ZMYND11: variants seen among roughly 807,000 people sequenced by gnomAD.
ZMYND11 encodes zinc finger MYND domain-containing protein 11.
ZMYND11 carries 9 observed loss-of-function variants against 84.9 expected under a neutral mutation model. The ratio of observed to expected loss-of-function variants is 0.11; its 90% CI spans 0.06 to 0.18. ZMYND11 has a LOEUF of 0.18. Among genes scored for constraint, ZMYND11 ranks in the 10% least tolerant of loss-of-function variants. ZMYND11 has a pLI of 1.00. For missense variants in ZMYND11, 409 were observed against 761.0 expected (o/e 0.54, Z 5.44); for synonymous variants, 250 against 244.1 (o/e 1.02, Z -0.23).
chr10:150,342 C>A (rs548033548), intron 1 of ZMYND11, among the ~76,000 whole-genome samples: 28 of 151,964 alleles, frequency 1.8e-4, no homozygotes, highest in South Asian at 4.1e-4. Context: ...TAGTCTTGGG[C>A]GGGTGTATGT....
rs1157055964 is a variant in ZMYND11, at chr10:164,511, C to T, written c.-19-15483C>T. On this transcript the variant is annotated intron_variant, in intron 1 of 14. Transcript: ENST00000381604. The stretch of plus-strand genomic sequence containing the variant: ...CTAGTATGTAGGCTGACCAGAGCAG[C>T]CACCAATTGGGGATTGCCATTACCC... Among the ~76,000 whole-genome samples the T allele has an allele frequency of 3.3e-5, 5 of 152,076 alleles. No individual in the cohort carries two copies. The East Asian group carries it at 9.6e-4, about 29-fold the overall frequency.
chr10:159,830 C>T (rs893999406), intron 1 of ZMYND11, among the ~76,000 whole-genome samples: 8 of 152,084 alleles, frequency 5.3e-5, no homozygotes, highest in Non-Finnish European at 5.9e-5. Flanking sequence ...ATATTTTCAT[C>T]TAATACTTGA....
chr10:169,046 T>C (rs1184154399), intron 1 of ZMYND11, among the ~76,000 whole-genome samples: 1 of 152,062 alleles, frequency 6.6e-6, no homozygotes, highest in Non-Finnish European at 1.5e-5. Flanking sequence ...CATTTTGAAA[T>C]ATGCAAGAGC....
intron 4 of ZMYND11, among the ~76,000 whole-genome samples, chr10:226,692 C>A (rs963976996): frequency 2.6e-5 from 4 of 152,036 alleles, no homozygotes; most frequent in African/African-American, 9.7e-5. Flanking sequence ...GTGAGCTACC[C>A]GTTTTCTTTT....
intron 3 of ZMYND11, among the ~76,000 whole-genome samples, chr10:210,323 C>T (rs191200910): frequency 6.6e-6 from 1 of 152,272 alleles, no homozygotes; most frequent in African/African-American, 2.4e-5. Context: ...CACTTCATGG[C>T]ATTCCTAAGT....
At chr10:163,228 C>G (rs1375281653) in intron 1 of ZMYND11, among the ~76,000 whole-genome samples, 1 of 152,028 alleles carries the variant, frequency 6.6e-6, no homozygotes, top group Non-Finnish European at 1.5e-5. Context: ...CTCCCCATCA[C>G]CCCCCCACTA....
intron 2 of ZMYND11, among the ~76,000 whole-genome samples, chr10:189,966 A>T (rs1939894206): frequency 6.6e-6 from 1 of 152,156 alleles, no homozygotes; most frequent in Non-Finnish European, 1.5e-5. Context: ...GACTGTCTGG[A>T]TCAAGCAGAG....
intron 1 of ZMYND11, among the ~76,000 whole-genome samples, chr10:145,127 G>C (rs1219753115): frequency 8.0e-5 from 12 of 150,508 alleles, no homozygotes; most frequent in African/African-American, 2.9e-4. Context: ...ATGGCTGAGA[G>C]TATTCCATAT....
intron 2 of ZMYND11, among the ~76,000 whole-genome samples, chr10:204,159 C>A (rs903599344): frequency 6.6e-6 from 1 of 152,116 alleles, no homozygotes; most frequent in South Asian, 2.1e-4. Flanking sequence ...TTTATAGATA[C>A]AATCTAAGGT....
At chr10:182,621 A>G (rs1013902832) in intron 2 of ZMYND11, among the ~76,000 whole-genome samples, 6 of 152,234 alleles carry the variant, frequency 3.9e-5, no homozygotes, top group African/African-American at 1.4e-4. Flanking sequence ...TGTAGCTCAC[A>G]TCAGAGCATC....
chr10:232,799 A>G lies in ZMYND11; in HGVS notation c.439-4039A>G, dbSNP rs191344272. ...ACGTTTCTAACTGTAATAACTGAAG[A>G]AAAAACCAACCCAAATACTTAAAAC... On this transcript the variant is annotated intron_variant, in intron 4 of 14. Coordinates refer to ENST00000381604, the MANE Select transcript of ZMYND11 (RefSeq NM_001370100.5). Among the ~76,000 whole-genome samples the G allele has an allele frequency of 3.0e-3, 457 of 152,328 alleles. No homozygotes were observed. In the Middle Eastern group the frequency reaches 0.031, roughly 10 times the overall value.
rs754592349 is a variant in ZMYND11 at position 236,923 on chromosome 10, C to T, written c.516+8C>T. ...TCCCGCATGAAGGAGAGGGTGAGTC[C>T]TGCTCAGGGAATCTTTCAAAATATC... is the stretch of plus-strand genomic sequence containing the variant. On this transcript the variant is annotated splice_region_variant and intron_variant, in intron 5 of 14. Transcript: ENST00000381604. 15 of 1,607,328 alleles carry T rather than the reference C, an allele frequency of 9.3e-6. No individual in the cohort carries two copies. Among genetic ancestry groups the T allele is most frequent in the Admixed American group, 1.7e-5 (1 of 58,652 alleles).
chr10:217,787 A>G (rs753810157), intron 3 of ZMYND11, among the ~76,000 whole-genome samples: 13 of 152,188 alleles, frequency 8.5e-5, no homozygotes, highest in Non-Finnish European at 1.8e-4. Context: ...TGTTCATTAT[A>G]TAGGTAGAAA....
chr10:173,828 GAATTAAA>G (rs1342034636), intron 1 of ZMYND11, among the ~76,000 whole-genome samples: 3 of 152,162 alleles, frequency 2.0e-5, no homozygotes, highest in East Asian at 3.9e-4. Flanking sequence ...TATCATTAGG[GAATTAAA>G]AATTAAAACA....
chr10:209,761 CTTT>C, intron 2 of ZMYND11, 125 bp from the exon 3 acceptor site: 2 of 856,518 alleles, frequency 2.3e-6, no homozygotes, highest in Non-Finnish European at 3.5e-6. Flanking sequence ...TTATCTTGTT[CTTT>C]ATCTCAACAG....
chr10:243,454 T>A (rs1200721552), intron 10 of ZMYND11, among the ~76,000 whole-genome samples: 3 of 152,162 alleles, frequency 2.0e-5, no homozygotes, highest in Admixed American at 2.0e-4. Flanking sequence ...ATCTATATAT[T>A]TTTCTTTTTC....
At position 254,390 on chromosome 10, in the gene ZMYND11, G is replaced by A. The variant is rs1954014047; in HGVS notation, c.*1920G>A. On this transcript the variant is annotated 3_prime_UTR_variant, in exon 15 of 15. Transcript: ENST00000381604. Reference sequence around the variant, plus strand: ...AAACAAAATTAAAAAAAGAGATTGTGGCCTGGTTTTGTAAAAGTTTTAGGT... The same window carrying A: ...AAACAAAATTAAAAAAAGAGATTGTAGCCTGGTTTTGTAAAAGTTTTAGGT... 1 of 152,526 alleles carries A rather than the reference G, an allele frequency of 6.6e-6. No homozygotes were observed. Among genetic ancestry groups the A allele is most frequent in the Non-Finnish European group, 1.5e-5 (1 of 68,030 alleles). 9.4% of individuals were successfully genotyped at this position (152,526 alleles called of 1,614,324 possible).
rs377193625 is a variant in ZMYND11 at position 147,564 on chromosome 10, A to G, written c.-20+12005A>G. 1.7e-4 allele frequency among the ~76,000 whole-genome samples: 26 copies of G among 151,212 alleles called. 1 individual carries two copies. Among genetic ancestry groups the G allele is most frequent in the East Asian group, 1.4e-3 (7 of 5,160 alleles). Reference sequence around the variant, plus strand: ...TAGCTTATATGAAATGTCATACCCTAGGATTTTTAGTTCCAAGCCTCAGAA... The same window carrying G: ...TAGCTTATATGAAATGTCATACCCTGGGATTTTTAGTTCCAAGCCTCAGAA... On this transcript the variant is annotated intron_variant, in intron 1 of 14. Coordinates refer to ENST00000381604, the MANE Select transcript of ZMYND11 (RefSeq NM_001370100.5).
At chr10:155,760 T>G (rs1274065293) in intron 1 of ZMYND11, among the ~76,000 whole-genome samples, 2 of 152,208 alleles carry the variant, frequency 1.3e-5, no homozygotes, top group African/African-American at 4.8e-5. Context: ...TATTTATAAT[T>G]TAAAAACTCT....
Sources: gnomAD v4.1 joint callset for allele counts (sites outside exome capture counted in the v4.1 genomes callset) on GRCh38, gnomAD v4.1.1 for gene constraint, MANE v1.5 for transcripts, NCBI Gene and HGNC (gene_info 2026-07-23, HGNC 2026-07-21) for gene names.